The following TBXAS1 variants were observed in gnomAD, a reference collection of about 807,000 sequenced individuals.
TBXAS1 encodes thromboxane A synthase 1.
Under a neutral mutation model 60.7 loss-of-function variants are expected in TBXAS1, and 48 were observed. The ratio of observed to expected loss-of-function variants is 0.79; its 90% CI spans 0.63 to 1.01. TBXAS1 has a LOEUF of 1.01. Ranked by LOEUF, TBXAS1 falls within the 50% of genes least tolerant of loss-of-function variation. TBXAS1 has a pLI of 0.00. For synonymous variants in TBXAS1, 287 were observed against 269.7 expected, an observed-to-expected ratio of 1.06 and a Z score of -0.63; for missense variants, 685 against 686.3, an observed-to-expected ratio of 1.00 and a Z score of 0.02.
intron 2 of TBXAS1, 44 bp downstream of exon 2, chr7:139,872,372 G>A (rs376958482): frequency 5.1e-6 from 8 of 1,582,866 alleles, no homozygotes; most frequent in South Asian, 1.1e-5. Flanking sequence ...AATATGCTGA[G>A]GGCCAGGCAC....
Position 139,809,233 on chromosome 7 carries a change from T to TAGATAGATAGATGATAGATA in TBXAS1, c.-79-20079_-79-20078insAGATAGATAGATGATAGATA, listed in dbSNP as rs1554466810. Among the ~76,000 whole-genome samples, 398 of 130,992 alleles carry TAGATAGATAGATGATAGATA rather than the reference T, an allele frequency of 3.0e-3. 3 individuals are homozygous for TAGATAGATAGATGATAGATA. Among genetic ancestry groups the TAGATAGATAGATGATAGATA allele is most frequent in the Admixed American group, 5.8e-3 (71 of 12,292 alleles). 85.9% of individuals were successfully genotyped at this position (130,992 alleles called of 152,430 possible). A position where few individuals can be genotyped will look rare whatever the true frequency, so the allele number is the denominator to read the frequency against. ...ATAGATAGATAGATAGATAGATAGA[T>TAGATAGATAGATGATAGATA]GATAGATAGATAGATAGATAGATAG... On this transcript the variant is annotated intron_variant, in intron 4 of 16. Coordinates refer to the TBXAS1 transcript ENST00000336425.
intron 9 of TBXAS1, among the ~76,000 whole-genome samples, chr7:139,967,054 G>A (rs184613234): frequency 6.6e-6 from 1 of 152,356 alleles, no homozygotes; most frequent in East Asian, 1.9e-4. Context: ...TTCCCTGCCA[G>A]GGAGACAGGC....
At chr7:139,835,065 CTT>C (rs142060008) in intron 1 of TBXAS1, among the ~76,000 whole-genome samples, 2,613 of 132,048 alleles carry the variant, frequency 0.02, 73 homozygotes, top group African/African-American at 0.069. Flanking sequence ...TACTAAAATT[CTT>C]TTTTTTTTTT....
At chr7:139,846,593 G>A (rs765044265) in intron 1 of TBXAS1, among the ~76,000 whole-genome samples, 30 of 152,154 alleles carry the variant, frequency 2.0e-4, no homozygotes, top group Non-Finnish European at 3.7e-4. Context: ...CTAGATCTTG[G>A]TTTTTATTTT....
chr7:139,988,374 T>A (rs1028197427), intron 9 of TBXAS1, among the ~76,000 whole-genome samples: 3 of 152,206 alleles, frequency 2.0e-5, no homozygotes, highest in Admixed American at 1.3e-4. Context: ...ACACTTGCGC[T>A]GTTCTGACCA....
At chr7:140,010,140 C>T (rs184638789) in intron 10 of TBXAS1, among the ~76,000 whole-genome samples, 1 of 151,824 alleles carries the variant, frequency 6.6e-6, no homozygotes, top group African/African-American at 2.4e-5. Context: ...GCATTTTTCA[C>T]CCTATCAGCT....
chr7:140,005,880 G>A (rs117777338), intron 9 of TBXAS1, among the ~76,000 whole-genome samples: 87 of 152,278 alleles, frequency 5.7e-4, no homozygotes, highest in East Asian at 5.0e-3. Context: ...CCTCTGACCC[G>A]AGATGCAGTT....
chr7:139,817,026 T>C (rs754112630), intron 4 of TBXAS1, among the ~76,000 whole-genome samples: 15 of 152,198 alleles, frequency 9.9e-5, no homozygotes, highest in Non-Finnish European at 1.6e-4. Context: ...TTGGGCTTCC[T>C]GGACTCCCTC....
chr7:140,016,488 C>A, intron 11 of TBXAS1: 1 of 257,534 alleles, frequency 3.9e-6, no homozygotes, highest in South Asian at 4.0e-5. Context: ...CAAGCCAGGA[C>A]ATGGGATACA....
At chr7:139,833,751 G>A (rs1244179648) in intron 1 of TBXAS1, among the ~76,000 whole-genome samples, 1 of 152,062 alleles carries the variant, frequency 6.6e-6, no homozygotes, top group Non-Finnish European at 1.5e-5. Context: ...TTGTCCAACA[G>A]TAAAATATCA....
chr7:139,872,187 T>C (rs760187872), intron 1 of TBXAS1, 48 bp from the exon 2 acceptor site: 3 of 1,538,904 alleles, frequency 1.9e-6, no homozygotes, highest in East Asian at 4.5e-5. Context: ...GCCTAAAGCA[T>C]GAGTGCAACT....
At chr7:139,898,071 C>T (rs1804249932) in intron 3 of TBXAS1, among the ~76,000 whole-genome samples, 1 of 152,204 alleles carries the variant, frequency 6.6e-6, no homozygotes, top group Non-Finnish European at 1.5e-5. Context: ...CGGAGGAGCG[C>T]CTGTGAGTCA....
At chr7:139,911,169 T>C in intron 3 of TBXAS1, 56 bp from the exon 4 acceptor site, 1 of 1,505,834 alleles carries the variant, frequency 6.6e-7, no homozygotes, top group Non-Finnish European at 9.2e-7. Context: ...AACTCTTTTT[T>C]GGAAAGGAGA....
intron 10 of TBXAS1, 90 bp from the exon 11 acceptor site, chr7:140,015,633 T>C: frequency 6.8e-7 from 1 of 1,476,588 alleles, no homozygotes; most frequent in Non-Finnish European, 9.4e-7. Context: ...CCTGATCCCC[T>C]TCACACTCAG....
chr7:139,937,536 G>C (rs1344756883), intron 5 of TBXAS1, among the ~76,000 whole-genome samples: 1 of 151,902 alleles, frequency 6.6e-6, no homozygotes, highest in African/African-American at 2.4e-5. Context: ...TTGGTGTTTG[G>C]GGGCAGAGCC....
rs1805974186 is a variant in TBXAS1 at position 139,916,412 on chromosome 7, C to G, written c.333+5091C>G. Among the ~76,000 whole-genome samples the G allele has an allele frequency of 6.6e-6, 1 of 152,178 alleles. No individual in the cohort carries two copies. The highest frequency in any genetic ancestry group is 1.5e-5 in the Non-Finnish European group (1 of 68,038). The stretch of plus-strand genomic sequence containing the variant: ...AGTGGCAGTATGGAGTGCCATCTCT[C>G]AGGTCCTCATGAGCAACACAGAGGT... On this transcript the variant is annotated intron_variant, in intron 4 of 12. Transcript: ENST00000448866. The surrounding 1 kb of genome is among the most constrained non-coding windows in gnomAD (Gnocchi z 4.2).
chr7:140,009,350 C>T (rs1343267283), intron 10 of TBXAS1, among the ~76,000 whole-genome samples: 2 of 152,178 alleles, frequency 1.3e-5, no homozygotes, highest in Non-Finnish European at 2.9e-5. Context: ...TGCTCCGTGC[C>T]TCTCCTTCCT....
chr7:139,936,178 T>C lies in TBXAS1; in HGVS notation c.334-13T>C. On this transcript the variant is annotated splice_polypyrimidine_tract_variant and intron_variant, in intron 4 of 12. Transcript: ENST00000448866. ...CCCTGAGTCCTGACCCTCTGCTTGT[T>C]ACTTCCCAACAGGCGTCGGGTTTGG... 6.2e-7 allele frequency: 1 copy of C among 1,614,062 alleles called. No individual in the cohort carries two copies. The highest frequency in any genetic ancestry group is 8.5e-7 in the Non-Finnish European group (1 of 1,179,964).
intron 3 of TBXAS1, among the ~76,000 whole-genome samples, chr7:139,889,668 T>G (rs1478328921): frequency 6.6e-6 from 1 of 152,172 alleles, no homozygotes; most frequent in Non-Finnish European, 1.5e-5. Flanking sequence ...ACTTTCTGGT[T>G]CATAGATGGT....
Sources: allele counts gnomAD v4.1 joint callset (sites outside exome capture counted in the v4.1 genomes callset), GRCh38; gene constraint gnomAD v4.1.1; non-coding constraint Gnocchi (gnomAD v3.1); transcripts MANE v1.5; gene names NCBI Gene and HGNC (gene_info 2026-07-23, HGNC 2026-07-21).